IMMP2L: variants seen among roughly 807,000 people sequenced by gnomAD.
The protein encoded by IMMP2L is inner mitochondrial membrane peptidase subunit 2, also known as mitochondrial inner membrane protease subunit 2.
In IMMP2L, 18 loss-of-function variants were observed where a neutral mutation model predicts 19.3. That is an observed-to-expected ratio of 0.93 (90% CI 0.64 to 1.38). IMMP2L has a LOEUF of 1.38. Ranked by LOEUF, IMMP2L falls within the 40% of genes most tolerant of loss-of-function variation. The pLI is 0.00. For missense variants in IMMP2L, 233 were observed against 218.2 expected (o/e 1.07, Z -0.43); for synonymous variants, 76 against 73.0 (o/e 1.04, Z -0.21).
At chr7:110,964,165 T>C (rs1040473467) in intron 3 of IMMP2L, among the ~76,000 whole-genome samples, 1 of 152,084 alleles carries the variant, frequency 6.6e-6, no homozygotes, top group Non-Finnish European at 1.5e-5. Context: ...CATGTGGAAC[T>C]GAGTCAATTA....
chr7:110,976,783 G>C (rs1820742107), intron 3 of IMMP2L, among the ~76,000 whole-genome samples: 1 of 151,858 alleles, frequency 6.6e-6, no homozygotes, highest in Non-Finnish European at 1.5e-5. Flanking sequence ...AAAATTCTAT[G>C]AAATTGAACA....
chr7:110,683,483 G>C (rs1386029556), intron 5 of IMMP2L, among the ~76,000 whole-genome samples: 1 of 152,000 alleles, frequency 6.6e-6, no homozygotes, highest in South Asian at 2.1e-4. Flanking sequence ...TAATTGTAAA[G>C]CTTTTACTTT....
At chr7:111,503,066 AC>A (rs1844472822) in intron 2 of IMMP2L, among the ~76,000 whole-genome samples, 1 of 152,126 alleles carries the variant, frequency 6.6e-6, no homozygotes, top group South Asian at 2.1e-4. Flanking sequence ...AAATCGATAG[AC>A]TGCTAGCAAG....
intron 3 of IMMP2L, among the ~76,000 whole-genome samples, chr7:111,347,314 G>A (rs1469703875): frequency 6.6e-6 from 1 of 151,944 alleles, no homozygotes; most frequent in African/African-American, 2.4e-5. Context: ...GAGGAGGGAA[G>A]TGACTTATTT....
chr7:110,694,211 A>G (rs757300510), intron 5 of IMMP2L, among the ~76,000 whole-genome samples: 66 of 152,204 alleles, frequency 4.3e-4, no homozygotes, highest in Non-Finnish European at 8.8e-4. Context: ...AAAATAACAT[A>G]CAAGTGAATA....
chr7:110,717,194 A>T (rs1795281795), intron 5 of IMMP2L, among the ~76,000 whole-genome samples: 1 of 152,158 alleles, frequency 6.6e-6, no homozygotes, highest in Non-Finnish European at 1.5e-5. Flanking sequence ...AACACAACTC[A>T]AGCCGGGCGT....
At chr7:110,840,372 A>C (rs1049121693) in intron 5 of IMMP2L, among the ~76,000 whole-genome samples, 2 of 152,146 alleles carry the variant, frequency 1.3e-5, no homozygotes, top group Non-Finnish European at 2.9e-5. Flanking sequence ...CCATATGCTT[A>C]TACACAGATG....
chr7:110,837,796 A>C (rs1804651439), intron 5 of IMMP2L, among the ~76,000 whole-genome samples: 1 of 152,192 alleles, frequency 6.6e-6, no homozygotes, highest in Non-Finnish European at 1.5e-5. Flanking sequence ...TCTGAATGAC[A>C]GTGGAGACAA....
chr7:111,096,117 G>T (rs557343381), intron 3 of IMMP2L, among the ~76,000 whole-genome samples: 1 of 152,054 alleles, frequency 6.6e-6, no homozygotes, highest in Admixed American at 6.6e-5. Flanking sequence ...GTGAATATTT[G>T]TTTAAAGCTC....
chr7:110,933,243 G>A (rs920876990), intron 4 of IMMP2L, among the ~76,000 whole-genome samples: 14 of 152,176 alleles, frequency 9.2e-5, no homozygotes, highest in African/African-American at 3.4e-4. Flanking sequence ...CTGGAGGGGG[G>A]TAATGAGGCA....
At chr7:110,729,510 T>C (rs1796111344) in intron 5 of IMMP2L, among the ~76,000 whole-genome samples, 1 of 152,144 alleles carries the variant, frequency 6.6e-6, no homozygotes, top group South Asian at 2.1e-4. Flanking sequence ...AGATTGGAAT[T>C]GGAGATGAGA....
chr7:111,125,671 G>A (rs1034529905), intron 3 of IMMP2L, among the ~76,000 whole-genome samples: 5 of 151,914 alleles, frequency 3.3e-5, no homozygotes, highest in African/African-American at 1.2e-4. Flanking sequence ...GAAACTCTAG[G>A]AAATTATGTA....
At chr7:111,493,692 A>C (rs1049155666) in intron 2 of IMMP2L, among the ~76,000 whole-genome samples, 2 of 145,528 alleles carry the variant, frequency 1.4e-5, no homozygotes, top group Non-Finnish European at 3.0e-5. Flanking sequence ...GCGACAGAGC[A>C]AGACTCCGTC....
intron 3 of IMMP2L, among the ~76,000 whole-genome samples, chr7:111,088,535 C>G (rs923342243): frequency 5.9e-5 from 9 of 151,874 alleles, no homozygotes; most frequent in Admixed American, 4.6e-4. Flanking sequence ...TTAGCAGAGA[C>G]CTGTCAATCA....
intron 3 of IMMP2L, among the ~76,000 whole-genome samples, chr7:111,223,276 T>A (rs1430225281): frequency 6.6e-6 from 1 of 151,964 alleles, no homozygotes; most frequent in Non-Finnish European, 1.5e-5. Context: ...ATATTTTTTC[T>A]TTAAGAAAGG....
rs1490042359 is a variant in IMMP2L at position 111,488,364 on chromosome 7, GTCCAATGTGTCAT to G, written c.136-1036_136-1024del. On this transcript the variant is annotated intron_variant, in intron 2 of 5. Transcript: ENST00000405709. The stretch of plus-strand genomic sequence containing the variant: ...CCACATTTTCCCCCAAGTCCCCAAA[GTCCAATGTGTCAT>G]TCTTATGCCTTTGTGCCCTCATAGC... Among the ~76,000 whole-genome samples, 10 of 152,126 alleles carry G rather than the reference GTCCAATGTGTCAT, an allele frequency of 6.6e-5. No individual in the cohort carries two copies. In the East Asian group the frequency reaches 1.7e-3, roughly 27 times the overall value.
chr7:110,930,020 G>A (rs1477558225), intron 4 of IMMP2L, among the ~76,000 whole-genome samples: 1 of 152,124 alleles, frequency 6.6e-6, no homozygotes, highest in Non-Finnish European at 1.5e-5. Context: ...TCTTAGCTCA[G>A]GAGAAGTAAT....
At chr7:111,487,839 T>C (rs544862681) in intron 2 of IMMP2L, among the ~76,000 whole-genome samples, 1 of 152,268 alleles carries the variant, frequency 6.6e-6, no homozygotes, top group East Asian at 1.9e-4. Context: ...TTATAAAATG[T>C]ATGGATTTCC....
chr7:111,451,702 T>TA (rs1839207564), intron 3 of IMMP2L, among the ~76,000 whole-genome samples: 1 of 138,172 alleles, frequency 7.2e-6, no homozygotes, highest in Non-Finnish European at 1.6e-5. Context: ...CCCTAAAACT[T>TA]AAAGTATAAT....
Sources: allele counts gnomAD v4.1 joint callset (sites outside exome capture counted in the v4.1 genomes callset), GRCh38; gene constraint gnomAD v4.1.1; transcripts MANE v1.5; gene names NCBI Gene and HGNC (gene_info 2026-07-23, HGNC 2026-07-21).